The following GAS2 variants were observed in gnomAD, a reference collection of about 807,000 sequenced individuals.
GAS2 encodes growth arrest specific 2, also known as growth arrest-specific protein 2.
In GAS2, 20 loss-of-function variants were observed where a neutral mutation model predicts 37.5. That is an observed-to-expected ratio of 0.53 (90% CI 0.37 to 0.77). GAS2 has a LOEUF of 0.77. GAS2 is among the 30% of genes least tolerant of loss of function. The pLI, the probability that GAS2 is intolerant of heterozygous loss-of-function variation, is 0.00. For missense variants in GAS2, 336 were observed against 373.4 expected (o/e 0.90, Z 0.82); for synonymous variants, 144 against 132.2 (o/e 1.09, Z -0.61).
At chr11:22,653,857 A>T (rs993360418) in intron 1 of GAS2, among the ~76,000 whole-genome samples, 1 of 152,182 alleles carries the variant, frequency 6.6e-6, no homozygotes, top group Admixed American at 6.5e-5. Flanking sequence ...TGAGGCAAAA[A>T]TCCCAAAAGG....
intron 7 of GAS2, among the ~76,000 whole-genome samples, chr11:22,772,221 G>A (rs1855014840): frequency 6.6e-6 from 1 of 152,154 alleles, no homozygotes; most frequent in Non-Finnish European, 1.5e-5. Context: ...GACCATGACA[G>A]CCCTGACCCC....
At chr11:22,773,377 C>T (rs927637819) in intron 7 of GAS2, among the ~76,000 whole-genome samples, 1 of 143,134 alleles carries the variant, frequency 7.0e-6, no homozygotes, top group African/African-American at 2.6e-5. Context: ...TCCAATGTCA[C>T]ACCTCAATCT....
intron 7 of GAS2, among the ~76,000 whole-genome samples, chr11:22,803,868 T>C (rs1856771789): frequency 6.6e-6 from 1 of 151,910 alleles, no homozygotes; most frequent in Non-Finnish European, 1.5e-5. Context: ...AACTGTGAAA[T>C]CATGTATAAA....
chr11:22,679,996 AT>A (rs1213670979), intron 2 of GAS2, among the ~76,000 whole-genome samples: 1 of 152,098 alleles, frequency 6.6e-6, no homozygotes, highest in Non-Finnish European at 1.5e-5. Flanking sequence ...GTAACATTTC[AT>A]TTTTTTTAGT....
chr11:22,702,256 G>C (rs1850879292), intron 3 of GAS2: 1 of 152,132 alleles, frequency 6.6e-6, no homozygotes, highest in Non-Finnish European at 1.5e-5. Context: ...AGTCATAGAA[G>C]GAATTGTCTC....
intron 3 of GAS2, among the ~76,000 whole-genome samples, chr11:22,725,847 T>A (rs545563219): frequency 6.6e-6 from 1 of 152,310 alleles, no homozygotes; most frequent in East Asian, 1.9e-4. Flanking sequence ...TTTTACAGTA[T>A]GTGTTTATAC....
At chr11:22,727,750 G>A (rs919070344) in intron 4 of GAS2, among the ~76,000 whole-genome samples, 2 of 151,888 alleles carry the variant, frequency 1.3e-5, no homozygotes, top group East Asian at 3.9e-4. Context: ...AAAAAAATTT[G>A]GTGGAAGATG....
At chr11:22,658,327 C>A (rs1171255512) in intron 1 of GAS2, among the ~76,000 whole-genome samples, 1 of 152,146 alleles carries the variant, frequency 6.6e-6, no homozygotes, top group Non-Finnish European at 1.5e-5. Flanking sequence ...CTGTGCCTGG[C>A]CTTTGCTTTT....
intron 3 of GAS2, among the ~76,000 whole-genome samples, chr11:22,700,798 A>G (rs1238101699): frequency 6.6e-6 from 1 of 152,188 alleles, no homozygotes; most frequent in Non-Finnish European, 1.5e-5. Flanking sequence ...GGTTTCATGA[A>G]TTTGCTCACC....
intron 7 of GAS2, among the ~76,000 whole-genome samples, chr11:22,768,219 G>C (rs12226338): frequency 1.3e-5 from 2 of 151,908 alleles, no homozygotes; most frequent in Non-Finnish European, 2.9e-5. Context: ...TGTTGTCCTA[G>C]GAATATATCA....
chr11:22,774,935 A>G (rs867411084), intron 7 of GAS2, among the ~76,000 whole-genome samples: 14 of 152,112 alleles, frequency 9.2e-5, no homozygotes, highest in African/African-American at 3.1e-4. Flanking sequence ...GCATACAAAA[A>G]GGCCCAGAAG....
chr11:22,641,200 T>TTCTTTA (rs1554964872), intron 1 of GAS2, among the ~76,000 whole-genome samples: 1 of 135,342 alleles, frequency 7.4e-6, no homozygotes, highest in African/African-American at 2.7e-5. Context: ...GGTTCTTTCT[T>TTCTTTA]TATATATATA....
chr11:22,663,095 GGA>G (rs1848932863), upstream of GAS2, among the ~76,000 whole-genome samples: 1 of 152,070 alleles, frequency 6.6e-6, no homozygotes, highest in Non-Finnish European at 1.5e-5. Flanking sequence ...CATGGCAGCA[GGA>G]GAGAGAGAAA....
At chr11:22,689,367 G>T (rs1373172402) in intron 3 of GAS2, among the ~76,000 whole-genome samples, 1 of 152,110 alleles carries the variant, frequency 6.6e-6, no homozygotes, top group South Asian at 2.1e-4. Flanking sequence ...TGACACAGTT[G>T]CTCTTGACTG....
At chr11:22,713,103 G>T (rs573521116) in intron 3 of GAS2, among the ~76,000 whole-genome samples, 1 of 148,728 alleles carries the variant, frequency 6.7e-6, no homozygotes, top group East Asian at 2.0e-4. Context: ...AAGGAAAAAA[G>T]AAATACAAAA....
At chr11:22,772,223 C>T (rs1037642390) in intron 7 of GAS2, among the ~76,000 whole-genome samples, 3 of 152,118 alleles carry the variant, frequency 2.0e-5, no homozygotes, top group Non-Finnish European at 4.4e-5. Flanking sequence ...CCATGACAGC[C>T]CTGACCCCCA....
intron 5 of GAS2, among the ~76,000 whole-genome samples, chr11:22,739,403 T>C (rs1485548571): frequency 6.6e-6 from 1 of 151,358 alleles, no homozygotes; most frequent in Non-Finnish European, 1.5e-5. Context: ...TGAAACCCTG[T>C]CTATACTAAA....
At chr11:22,684,913 A>G (rs899955669) in intron 2 of GAS2, among the ~76,000 whole-genome samples, 39 of 152,216 alleles carry the variant, frequency 2.6e-4, no homozygotes, top group Non-Finnish European at 1.2e-4. Context: ...AATAGAATCT[A>G]GAGATATGGT....
At chr11:22,795,935 C>A (rs1856408449) in intron 7 of GAS2, among the ~76,000 whole-genome samples, 1 of 152,112 alleles carries the variant, frequency 6.6e-6, no homozygotes, top group Non-Finnish European at 1.5e-5. Flanking sequence ...GAACAGATTG[C>A]ATTTTAGATG....
Sources: gnomAD v4.1 joint callset for allele counts (sites outside exome capture counted in the v4.1 genomes callset) on GRCh38, gnomAD v4.1.1 for gene constraint, MANE v1.5 for transcripts, NCBI Gene and HGNC (gene_info 2026-07-23, HGNC 2026-07-21) for gene names.